HNRNPUL1: variants seen among roughly 807,000 people sequenced by gnomAD.
The protein encoded by HNRNPUL1 is heterogeneous nuclear ribonucleoprotein U-like protein 1.
Under a neutral mutation model 108.5 loss-of-function variants are expected in HNRNPUL1, and 14 were observed. That is an observed-to-expected ratio of 0.13 (90% confidence interval 0.09 to 0.20). The LOEUF is 0.20. HNRNPUL1 is among the 10% of genes least tolerant of loss of function. The pLI is 1.00. For synonymous variants in HNRNPUL1, 422 were observed against 445.2 expected (o/e 0.95, Z 0.66); for missense variants, 804 against 1,168.3 (o/e 0.69, Z 4.55).
intron 13 of HNRNPUL1, among the ~76,000 whole-genome samples, chr19:41,304,842 C>T (rs964039844): frequency 6.6e-6 from 1 of 152,148 alleles, no homozygotes; most frequent in African/African-American, 2.4e-5. Flanking sequence ...TTCCTCATGC[C>T]GGGCCTGGAA....
chr19:41,304,270 A>G lies in HNRNPUL1; in HGVS notation c.2262+9A>G. The G allele has an allele frequency of 5.6e-6, 9 of 1,595,322 alleles. No individual in the cohort carries two copies. The highest frequency in any genetic ancestry group is 7.7e-6 in the Non-Finnish European group (9 of 1,168,984). On this transcript the variant is annotated intron_variant, in intron 13 of 14. Coordinates refer to ENST00000392006, the MANE Select transcript of HNRNPUL1 (RefSeq NM_007040.6). ...GCTACAGCCCTCCACAGGTGAGAGA[A>G]TGAGTGTGTGTTTGTATGTAGTGAT...
intron 10 of HNRNPUL1, among the ~76,000 whole-genome samples, chr19:41,301,206 A>AT (rs1294883732): frequency 6.6e-5 from 10 of 152,284 alleles, no homozygotes; most frequent in South Asian, 2.1e-4. Flanking sequence ...TATACTGTGA[A>AT]TTTTTTTACC....
At chr19:41,305,429 G>A (rs553367322) in intron 13 of HNRNPUL1, among the ~76,000 whole-genome samples, 2 of 152,314 alleles carry the variant, frequency 1.3e-5, no homozygotes, top group African/African-American at 4.8e-5. Flanking sequence ...CGTGTACCTT[G>A]CTCCCTGGGG....
Position 41,294,508 on chromosome 19 carries a change from T to C in HNRNPUL1, c.1389+48T>C, listed in dbSNP as rs199953518. ...CCTTACTCACCTCCAACCTACTGAG[T>C]GCTGCCCTGCAACTAAAATCACTCA... On this transcript the variant is annotated intron_variant, in intron 9 of 14. Coordinates refer to ENST00000392006, the MANE Select transcript of HNRNPUL1 (RefSeq NM_007040.6). The surrounding 1 kb of genome is among the most constrained non-coding windows in gnomAD (Gnocchi z 4.3). 1 of 1,613,796 alleles carries C rather than the reference T, an allele frequency of 6.2e-7. No homozygotes were observed. Among genetic ancestry groups the C allele is most frequent in the East Asian group, 2.2e-5 (1 of 44,872 alleles).
intron 7 of HNRNPUL1, among the ~76,000 whole-genome samples, chr19:41,282,539 G>T (rs1390040830): frequency 2.0e-5 from 3 of 151,990 alleles, no homozygotes; most frequent in Non-Finnish European, 4.4e-5. Context: ...TGAGAATAAA[G>T]AATTCTCACA....
At chr19:41,280,817 T>C (rs2035858358) in intron 6 of HNRNPUL1, 3 of 249,016 alleles carry the variant, frequency 1.2e-5, no homozygotes, top group African/African-American at 4.4e-5. Flanking sequence ...CTGGACTGAA[T>C]ATTGGGTGTC....
intron 5 of HNRNPUL1, 189 bp downstream of exon 5, chr19:41,276,487 G>A (rs1599782519): frequency 1.8e-6 from 1 of 551,446 alleles, no homozygotes; most frequent in Non-Finnish European, 3.0e-6. Context: ...AGAAAAGCAG[G>A]CCAACCATGC....
At chr19:41,288,539 C>T (rs144481585) in intron 7 of HNRNPUL1, among the ~76,000 whole-genome samples, 4 of 152,132 alleles carry the variant, frequency 2.6e-5, no homozygotes, top group Non-Finnish European at 4.4e-5. Flanking sequence ...CCACCATGCC[C>T]GGCCTTGGTG....
chr19:41,265,382 T>A (rs1294073949), intron 1 of HNRNPUL1: 1 of 1,516,566 alleles, frequency 6.6e-7, no homozygotes, highest in South Asian at 1.2e-5. Flanking sequence ...CGCTGGTGTC[T>A]GTGGCTGGGG....
intron 11 of HNRNPUL1, among the ~76,000 whole-genome samples, chr19:41,301,994 T>C (rs953203473): frequency 2.0e-5 from 3 of 152,164 alleles, no homozygotes; most frequent in South Asian, 2.1e-4. Context: ...TGGTCCCAGA[T>C]GGGCTGACTG....
intron 7 of HNRNPUL1, among the ~76,000 whole-genome samples, chr19:41,291,176 C>T (rs2036555953): frequency 6.6e-6 from 1 of 152,184 alleles, no homozygotes; most frequent in African/African-American, 2.4e-5. Context: ...TCTTTTATGC[C>T]TCAGCCAATC....
chr19:41,289,380 C>T (rs2036445430), intron 7 of HNRNPUL1, among the ~76,000 whole-genome samples: 1 of 152,144 alleles, frequency 6.6e-6, no homozygotes, highest in South Asian at 2.1e-4. Flanking sequence ...AAGTGGAGAA[C>T]AGAATAACCC....
intron 7 of HNRNPUL1, among the ~76,000 whole-genome samples, chr19:41,287,637 A>G (rs1375924760): frequency 6.6e-6 from 1 of 151,982 alleles, no homozygotes; most frequent in Non-Finnish European, 1.5e-5. Flanking sequence ...TCAGCTCACC[A>G]CAACCTCCAC....
In HNRNPUL1 at chr19:41,291,638, G is replaced by A. The variant is rs117463268; in HGVS notation, c.1000-607G>A. Among the ~76,000 whole-genome samples, 536 of 152,054 alleles carry A rather than the reference G, an allele frequency of 3.5e-3. 5 individuals carry two copies. The highest frequency in any genetic ancestry group is 0.012 in the South Asian group (57 of 4,816). On this transcript the variant is annotated intron_variant, in intron 7 of 14. Coordinates refer to ENST00000392006, the MANE Select transcript of HNRNPUL1 (RefSeq NM_007040.6). ...ACAGGACTGGACCACCTTTTCCTTCGTCTTCATCTCAGTCTAGGCACAAGA... is the reference window on the plus strand; with the variant it reads ...ACAGGACTGGACCACCTTTTCCTTCATCTTCATCTCAGTCTAGGCACAAGA...
intron 7 of HNRNPUL1, among the ~76,000 whole-genome samples, chr19:41,283,980 C>T (rs770167460): frequency 7.2e-5 from 11 of 152,220 alleles, no homozygotes; most frequent in South Asian, 2.1e-4. Context: ...TTGCAAGTTT[C>T]TACTTAAAAC....
chr19:41,282,676 ATTTTTTTC>A (rs1387531227), intron 7 of HNRNPUL1, among the ~76,000 whole-genome samples: 1 of 148,176 alleles, frequency 6.7e-6, no homozygotes, highest in Non-Finnish European at 1.5e-5. Flanking sequence ...TTATGTGCAT[ATTTTTTTC>A]TTTTTTTCTT....
chr19:41,301,824 T>C, intron 11 of HNRNPUL1, 120 bp downstream of exon 11: 1 of 903,878 alleles, frequency 1.1e-6, no homozygotes, highest in Non-Finnish European at 1.6e-6. Context: ...TACTCTTTCT[T>C]TGCTTCTGCT....
intron 11 of HNRNPUL1, among the ~76,000 whole-genome samples, chr19:41,302,115 C>G (rs145590050): frequency 6.6e-6 from 1 of 151,468 alleles, no homozygotes; most frequent in Admixed American, 6.6e-5. Flanking sequence ...CTAGGTGGGT[C>G]TTAGCCACCT....
At chr19:41,289,711 G>GTA (rs1216519353) in intron 7 of HNRNPUL1, among the ~76,000 whole-genome samples, 1 of 132,802 alleles carries the variant, frequency 7.5e-6, no homozygotes, top group African/African-American at 3.1e-5. Context: ...GCTCTCCATG[G>GTA]TCTTTTTTTT....
Sources: allele counts gnomAD v4.1 joint callset (sites outside exome capture counted in the v4.1 genomes callset), GRCh38; gene constraint gnomAD v4.1.1; non-coding constraint Gnocchi (gnomAD v3.1); transcripts MANE v1.5; gene names NCBI Gene and HGNC (gene_info 2026-07-23, HGNC 2026-07-21).